The following TPTE2 variants were observed in gnomAD, a reference collection of about 807,000 sequenced individuals.
TPTE2 encodes transmembrane phosphoinositide 3-phosphatase and tensin homolog 2.
TPTE2 carries 53 observed loss-of-function variants against 78.6 expected under a neutral mutation model. That is an observed-to-expected ratio of 0.67 (90% CI 0.54 to 0.85). TPTE2 has a LOEUF of 0.85. Ranked by LOEUF, TPTE2 falls within the 40% of genes least tolerant of loss-of-function variation. The pLI is 0.00. For missense variants in TPTE2, 461 were observed against 623.0 expected (o/e 0.74, Z 2.77); for synonymous variants, 175 against 206.2 (o/e 0.85, Z 1.30).
At chr13:19,510,850 A>G (rs987551609) in intron 1 of TPTE2, among the ~76,000 whole-genome samples, 30 of 152,230 alleles carry the variant, frequency 2.0e-4, no homozygotes, top group Non-Finnish European at 4.0e-4. Context: ...CCCAAATGCT[A>G]TAAGAACATA....
intron 9 of TPTE2, 122 bp downstream of exon 12, chr13:19,465,133 G>C: frequency 7.8e-7 from 1 of 1,275,566 alleles, no homozygotes; most frequent in South Asian, 1.3e-5. Flanking sequence ...CACTATCACA[G>C]TGGCATATAT....
intron 15 of TPTE2, 121 bp from the exon 19 acceptor site, chr13:19,432,699 C>T: frequency 1.9e-6 from 1 of 517,398 alleles, no homozygotes; most frequent in Non-Finnish European, 3.5e-6. Context: ...AAAACATTTA[C>T]TGGATGCCAT....
intron 10 of TPTE2, among the ~76,000 whole-genome samples, chr13:19,463,372 C>T (rs576899161): frequency 6.6e-6 from 1 of 152,268 alleles, no homozygotes; most frequent in African/African-American, 2.4e-5. Context: ...GTTGAATTTC[C>T]CATAAGATCA....
intron 13 of TPTE2, among the ~76,000 whole-genome samples, chr13:19,439,267 C>T (rs938579507): frequency 2.6e-5 from 4 of 152,096 alleles, no homozygotes; most frequent in African/African-American, 4.8e-5. Flanking sequence ...CCAGCTCTTA[C>T]CCATGGCGCC....
intron 3 of TPTE2, among the ~76,000 whole-genome samples, chr13:19,482,806 T>A (rs1364398526): frequency 1.3e-5 from 2 of 151,000 alleles, no homozygotes; most frequent in East Asian, 3.9e-4. Context: ...TCTATATATA[T>A]GTATATAAAG....
exon 20 of TPTE2, chr13:19,422,928 T>A: frequency 1.1e-6 from 1 of 926,294 alleles, no homozygotes; most frequent in Non-Finnish European, 1.6e-6. Flanking sequence ...TAAACATATA[T>A]AAATATAGAT....
chr13:19,456,020 A>G (rs1273889817), intron 10 of TPTE2, among the ~76,000 whole-genome samples: 1 of 152,208 alleles, frequency 6.6e-6, no homozygotes, highest in Non-Finnish European at 1.5e-5. Flanking sequence ...ATTCAATATT[A>G]CCGTGAAAGT....
chr13:19,530,800 C>T lies in TPTE2; in HGVS notation c.-44+5796G>A, dbSNP rs184438582. Among the ~76,000 whole-genome samples the T allele has an allele frequency of 2.3e-3, 345 of 152,276 alleles. 1 individual carries two copies. The highest frequency in any genetic ancestry group is 0.013 in the South Asian group (65 of 4,826). Reference sequence around the variant, plus strand: ...TCGGCATCCCAATGTGTTGGGATTACAGATGTAGGCCACCTTGCCCGGCCC... The same window carrying T: ...TCGGCATCCCAATGTGTTGGGATTATAGATGTAGGCCACCTTGCCCGGCCC... On this transcript the variant is annotated intron_variant, in intron 1 of 17. Coordinates refer to the TPTE2 transcript ENST00000390680.
chr13:19,426,742 T>TC (rs1254663941), intron 17 of TPTE2, among the ~76,000 whole-genome samples: 1 of 152,240 alleles, frequency 6.6e-6, no homozygotes, highest in Non-Finnish European at 1.5e-5. Context: ...AGTCTCACTG[T>TC]CACCCAGGCT....
intron 13 of TPTE2, among the ~76,000 whole-genome samples, chr13:19,441,962 TAGAAA>T (rs1877528967): frequency 6.6e-6 from 1 of 152,008 alleles, no homozygotes; most frequent in Admixed American, 6.6e-5. Context: ...ACTAAAAACA[TAGAAA>T]AGGAGTATAT....
the TPTE2 span, among the ~76,000 whole-genome samples, chr13:19,551,382 G>A: frequency 1.1e-4 from 17 of 152,210 alleles, no homozygotes; most frequent in Admixed American, 6.5e-5. Flanking sequence ...CTGAGGTCAG[G>A]AGTTTGAGAC....
rs563037710 is a variant in TPTE2, at chr13:19,451,148, T to G, written c.802+17A>C. On this transcript the variant is annotated intron_variant, in intron 11 of 19. Coordinates refer to ENST00000400230, the Ensembl canonical transcript of TPTE2. ...GTTTTCTACCTACAGTAGCAAAATA[T>G]AGAGTAATGTACATACTGCATAGAT... The G allele has an allele frequency of 4.3e-6, 7 of 1,611,048 alleles. No individual in the cohort carries two copies. The highest frequency in any genetic ancestry group is 2.2e-5 in the East Asian group (1 of 44,748).
intron 19 of TPTE2, 66 bp from the exon 23 acceptor site, chr13:19,423,230 C>T: frequency 3.1e-6 from 4 of 1,284,136 alleles, no homozygotes; most frequent in Non-Finnish European, 4.3e-6. Context: ...CAGTTGGGTA[C>T]CCACGTTAGA....
rs539094112 is a variant in TPTE2 at position 19,475,052 on chromosome 13, C to T, written c.230+521G>A. 3.3e-5 allele frequency among the ~76,000 whole-genome samples: 5 copies of T among 152,164 alleles called. No homozygotes were observed. In the South Asian group the frequency reaches 1.0e-3, roughly 32 times the overall value. On this transcript the variant is annotated intron_variant, in intron 5 of 19. Coordinates refer to ENST00000400230, the Ensembl canonical transcript of TPTE2. ...GCCATTTATTTGCAATTCTTAATGT[C>T]CAGCTTAAACCAAAATTCCATGATA...
At chr13:19,543,758 AG>A in the TPTE2 span, among the ~76,000 whole-genome samples, 2 of 152,286 alleles carry the variant, frequency 1.3e-5, no homozygotes, top group South Asian at 4.1e-4. Flanking sequence ...AAAAACGTTC[AG>A]GCAGCTGACA....
At chr13:19,509,579 T>G (rs1253959023) in intron 1 of TPTE2, among the ~76,000 whole-genome samples, 3 of 152,088 alleles carry the variant, frequency 2.0e-5, no homozygotes, top group Non-Finnish European at 4.4e-5. Flanking sequence ...TATATAGAAA[T>G]AGAATACTCA....
chr13:19,435,820 T>G (rs1391777019), intron 15 of TPTE2, among the ~76,000 whole-genome samples: 1 of 150,834 alleles, frequency 6.6e-6, no homozygotes, highest in Non-Finnish European at 1.5e-5. Flanking sequence ...ACAGTCTTTG[T>G]GATGTTCTGC....
chr13:19,499,683 C>T (rs1310560860), intron 1 of TPTE2, among the ~76,000 whole-genome samples: 1,906 of 133,322 alleles, frequency 0.014, 16 homozygotes, highest in Middle Eastern at 0.032. Flanking sequence ...ACTAAATGCC[C>T]ACAAGAGAAA....
At chr13:19,496,300 T>C (rs192739247) in intron 1 of TPTE2, among the ~76,000 whole-genome samples, 50 of 152,348 alleles carry the variant, frequency 3.3e-4, no homozygotes, top group African/African-American at 1.1e-3. Flanking sequence ...TTCACACCTA[T>C]CTAAGACTCA....
Sources: allele counts gnomAD v4.1 joint callset (sites outside exome capture counted in the v4.1 genomes callset), GRCh38; gene constraint gnomAD v4.1.1; transcripts MANE v1.5; gene names NCBI Gene and HGNC (gene_info 2026-07-23, HGNC 2026-07-21).